SPIRE1: variants seen among roughly 807,000 people sequenced by gnomAD.
SPIRE1 encodes the protein protein spire homolog 1.
Under a neutral mutation model 94.1 loss-of-function variants are expected in SPIRE1, and 40 were observed. The ratio of observed to expected loss-of-function variants is 0.43; its 90% CI spans 0.33 to 0.55. The LOEUF (loss-of-function observed/expected upper bound fraction) is 0.55. SPIRE1 is among the 20% of genes least tolerant of loss of function. The probability of loss-of-function intolerance (pLI) is 0.06; values close to 1 mark genes in which losing one functional copy is unlikely to be tolerated. For missense variants in SPIRE1, 838 were observed against 975.2 expected (o/e 0.86, Z 1.87); for synonymous variants, 376 against 371.7 (o/e 1.01, Z -0.13).
intron 2 of SPIRE1, among the ~76,000 whole-genome samples, chr18:12,566,992 C>T (rs2035837662): frequency 6.6e-6 from 1 of 152,082 alleles, no homozygotes; most frequent in South Asian, 2.1e-4. Context: ...AAATTATACA[C>T]CACAACCAAG....
intron 2 of SPIRE1, among the ~76,000 whole-genome samples, chr18:12,566,833 T>A (rs1158362934): frequency 5.3e-5 from 8 of 152,108 alleles, no homozygotes; most frequent in Non-Finnish European, 8.8e-5. Context: ...AAGGAATATT[T>A]CTAATTCATC....
chr18:12,478,950 C>CA (rs1385005308), intron 10 of SPIRE1, among the ~76,000 whole-genome samples: 2 of 151,716 alleles, frequency 1.3e-5, no homozygotes, highest in African/African-American at 2.4e-5. Flanking sequence ...ATTACTATTA[C>CA]AAAAAGAACA....
chr18:12,579,326 T>C (rs2036198346), intron 2 of SPIRE1, among the ~76,000 whole-genome samples: 1 of 152,164 alleles, frequency 6.6e-6, no homozygotes, highest in Admixed American at 6.5e-5. Flanking sequence ...TGAAATTTGT[T>C]ACATGTTACA....
chr18:12,546,619 A>G, intron 3 of SPIRE1, 55 bp downstream of exon 3: 1 of 1,353,834 alleles, frequency 7.4e-7, no homozygotes, highest in African/African-American at 1.4e-5. Context: ...GAAAAAAAAG[A>G]AGAAGAAATA....
In SPIRE1 at chr18:12,452,311, A is replaced by G; in HGVS notation, c.1956T>C (p.Ser652=). Reference sequence around the variant, plus strand: ...CAGTGGAGGGTTTTTCTGACCTCATACTACTTTCCCCTCTTTGCAGAGCAG... The same window carrying G: ...CAGTGGAGGGTTTTTCTGACCTCATGCTACTTTCCCCTCTTTGCAGAGCAG... The part of the protein sequence containing the change: ...GPSALQRGES[S]MRSEKPSTAH... Residue 652 remains serine, a synonymous_variant, in exon 16 of 17, where the codon AGT becomes AGC. Transcript: ENST00000409402. 6.2e-7 allele frequency: 1 copy of G among 1,614,044 alleles called. No individual in the cohort carries two copies. Among genetic ancestry groups the G allele is most frequent in the Non-Finnish European group, 8.5e-7 (1 of 1,179,958 alleles).
At position 12,551,773 on chromosome 18, in the gene SPIRE1, C is replaced by G. The variant is rs569292973; in HGVS notation, c.373-4869G>C. On this transcript the variant is annotated intron_variant, in intron 2 of 16. Coordinates refer to ENST00000409402, the MANE Select transcript of SPIRE1 (RefSeq NM_001128626.2). ...CTGAATAGACAGCTTTATTGATCATCAGCCCTGCAGGAACACCAAATTTAA... is the reference window on the plus strand; with the variant it reads ...CTGAATAGACAGCTTTATTGATCATGAGCCCTGCAGGAACACCAAATTTAA... Among the ~76,000 whole-genome samples the G allele has an allele frequency of 2.6e-5, 4 of 152,000 alleles. No individual in the cohort carries two copies. In the South Asian group the frequency reaches 8.3e-4, roughly 32 times the overall value.
rs550038562 is a variant in SPIRE1, at chr18:12,512,456, A to G, written c.805T>C (p.Trp269Arg). ...CAGAAAGCATTTCCAGCTCTTACCC[A>G]GTCAGCGTTTTTCAGCTCTTCCAAG... ...TDLEELKNAD[W>R]ARFWVQVMRD... is the part of the protein sequence containing the mutation. The change falls in exon 5 of 17, where the codon TGG (tryptophan) becomes CGG (arginine). Residue 269 changes from tryptophan to arginine, a missense_variant and splice_region_variant. Trp to Arg is a moderately radical substitution (Grantham distance 101). This residue lies in a region of SPIRE1 where 645 missense variants were observed against 804.7 expected (regional missense o/e 0.80). Transcript: ENST00000409402. 3.6e-5 allele frequency: 58 copies of G among 1,607,636 alleles called. No homozygotes were observed. The highest frequency in any genetic ancestry group is 4.9e-5 in the Non-Finnish European group (58 of 1,174,800).
At chr18:12,589,113 T>A (rs1420124681) in intron 2 of SPIRE1, among the ~76,000 whole-genome samples, 1 of 152,200 alleles carries the variant, frequency 6.6e-6, no homozygotes, top group Non-Finnish European at 1.5e-5. Context: ...TATGCACATA[T>A]TATTTATTAA....
In SPIRE1 at chr18:12,483,617, A is replaced by G. The variant is rs139569796; in HGVS notation, c.1231+2342T>C. Among the ~76,000 whole-genome samples, 547 of 152,322 alleles carry G rather than the reference A, an allele frequency of 3.6e-3. 1 individual carries two copies. The highest frequency in any genetic ancestry group is 6.5e-3 in the Non-Finnish European group (441 of 68,022). ...ATAGGAAAAATAAGTTATACTTACCATAAGTGATGTTGAATAGGTTAAGAT... is the reference window on the plus strand; with the variant it reads ...ATAGGAAAAATAAGTTATACTTACCGTAAGTGATGTTGAATAGGTTAAGAT... On this transcript the variant is annotated intron_variant, in intron 9 of 16. Coordinates refer to ENST00000409402, the MANE Select transcript of SPIRE1 (RefSeq NM_001128626.2).
chr18:12,639,264 CAA>C (rs34966222), intron 1 of SPIRE1, among the ~76,000 whole-genome samples: 4 of 144,636 alleles, frequency 2.8e-5, no homozygotes, highest in Non-Finnish European at 6.1e-5. Context: ...CACTCCATCT[CAA>C]AAAAAAAAAT....
At chr18:12,469,552 C>A (rs932660942) in intron 10 of SPIRE1, among the ~76,000 whole-genome samples, 7 of 144,644 alleles carry the variant, frequency 4.8e-5, no homozygotes, top group African/African-American at 1.8e-4. Flanking sequence ...CATGCTTACT[C>A]TTTATATATA....
chr18:12,618,862 G>A lies in SPIRE1; in HGVS notation c.372+16200C>T, dbSNP rs9303773. Among the ~76,000 whole-genome samples the A allele has an allele frequency of 4.0e-5, 6 of 151,708 alleles. No homozygotes were observed. In the South Asian group the frequency reaches 8.3e-4, roughly 21 times the overall value. The stretch of plus-strand genomic sequence containing the variant: ...TGCTTTGGGAGAATCTATTCCACCC[G>A]CCAGCTCTGAGCCCCACAAAAACAA... On this transcript the variant is annotated intron_variant, in intron 2 of 16. Transcript: ENST00000409402.
intron 4 of SPIRE1, among the ~76,000 whole-genome samples, chr18:12,529,197 G>A (rs1294299247): frequency 2.0e-5 from 3 of 152,030 alleles, no homozygotes; most frequent in South Asian, 4.1e-4. Flanking sequence ...GTGAAACCCC[G>A]TCTCTACTAA....
At position 12,657,889 on chromosome 18, in the gene SPIRE1, G is replaced by A. The variant is rs545094996; in HGVS notation, c.-23C>T. The A allele has an allele frequency of 5.8e-6, 6 of 1,039,966 alleles. No homozygotes were observed. In the African/African-American group the frequency reaches 1.0e-4, roughly 18 times the overall value. The allele number at this position is 1,039,966 out of a possible 1,614,324, so 64.4% of individuals were successfully genotyped here. On this transcript the variant is annotated 5_prime_UTR_variant, in exon 1 of 17. Coordinates refer to ENST00000409402, the MANE Select transcript of SPIRE1 (RefSeq NM_001128626.2). Reference sequence around the variant, plus strand: ...CATCCCGCGGGTGGGCGCTGCGCTCGGCAGTCGCGCCGTGTGCCGGCGTCT... The same window carrying A: ...CATCCCGCGGGTGGGCGCTGCGCTCAGCAGTCGCGCCGTGTGCCGGCGTCT...
upstream of SPIRE1, among the ~76,000 whole-genome samples, chr18:12,660,811 CTG>C (rs2038682284): frequency 6.6e-6 from 1 of 151,744 alleles, no homozygotes; most frequent in Admixed American, 6.6e-5. Flanking sequence ...AATATTTTGC[CTG>C]TGTGAGCATA....
chr18:12,471,442 G>C (rs985126339), intron 10 of SPIRE1, among the ~76,000 whole-genome samples: 1 of 147,212 alleles, frequency 6.8e-6, no homozygotes. Flanking sequence ...TCATGTCTCA[G>C]CCTCCCAAAT....
intron 2 of SPIRE1, among the ~76,000 whole-genome samples, chr18:12,582,965 G>A (rs2036297075): frequency 6.6e-6 from 1 of 152,176 alleles, no homozygotes; most frequent in African/African-American, 2.4e-5. Flanking sequence ...AGTGGGGACT[G>A]TGGCAAACTG....
At chr18:12,617,408 T>TTTTG (rs1186661109) in intron 2 of SPIRE1, among the ~76,000 whole-genome samples, 3 of 151,722 alleles carry the variant, frequency 2.0e-5, no homozygotes, top group Non-Finnish European at 4.4e-5. Flanking sequence ...TTTAGTTGTT[T>TTTTG]TTTGTTTGTT....
intron 4 of SPIRE1, among the ~76,000 whole-genome samples, chr18:12,522,517 G>A (rs2034391557): frequency 6.6e-6 from 1 of 152,170 alleles, no homozygotes; most frequent in Admixed American, 6.5e-5. Flanking sequence ...ACTGATGAAG[G>A]TAGCTACATT....
Sources: gnomAD v4.1 joint callset for allele counts (sites outside exome capture counted in the v4.1 genomes callset) on GRCh38, gnomAD v4.1.1 for gene constraint, gnomAD v4.1.1 regional missense constraint, MANE v1.5 for transcripts, NCBI Gene and HGNC (gene_info 2026-07-23, HGNC 2026-07-21) for gene names.